The following RBFOX1 variants were observed in gnomAD, a reference collection of about 807,000 sequenced individuals.
The protein encoded by RBFOX1 is RNA binding protein fox-1 homolog 1.
A neutral mutation model predicts 57.7 loss-of-function variants in RBFOX1; 8 were observed. That is an observed-to-expected ratio of 0.14 (90% confidence interval 0.08 to 0.25). The LOEUF is 0.25. RBFOX1 is among the 10% of genes least tolerant of loss of function. RBFOX1 has a pLI of 1.00. For missense variants in RBFOX1, 611 were observed against 548.5 expected, an observed-to-expected ratio of 1.11 and a Z score of -1.14; for synonymous variants, 326 against 222.4, an observed-to-expected ratio of 1.47 and a Z score of -4.15.
chr16:7,485,298 C>T (rs1297307370), intron 4 of RBFOX1, among the ~76,000 whole-genome samples: 1 of 152,242 alleles, frequency 6.6e-6, no homozygotes, highest in Non-Finnish European at 1.5e-5. Flanking sequence ...AGGCAGACCA[C>T]GCAGTGACTA....
chr16:6,539,104 A>C (rs2096775446), intron 2 of RBFOX1, among the ~76,000 whole-genome samples: 1 of 150,234 alleles, frequency 6.7e-6, no homozygotes, highest in Admixed American at 6.8e-5. Context: ...TGGCAGAAAG[A>C]ACAGTTGATG....
intron 12 of RBFOX1, 102 bp downstream of exon 12, chr16:7,654,049 G>A (rs1053086068): frequency 3.9e-5 from 49 of 1,259,698 alleles, no homozygotes; most frequent in Non-Finnish European, 4.9e-5. Context: ...CTCCCCCTCC[G>A]CCACCCCCAG....
intron 3 of RBFOX1, among the ~76,000 whole-genome samples, chr16:5,834,645 G>T (rs1191695266): frequency 1.3e-5 from 2 of 151,614 alleles, no homozygotes; most frequent in Non-Finnish European, 2.9e-5. Flanking sequence ...TTTTCTGTTG[G>T]GTAGTTAACC....
chr16:5,904,965 A>C (rs1237136163), intron 4 of RBFOX1, among the ~76,000 whole-genome samples: 2 of 127,418 alleles, frequency 1.6e-5, no homozygotes, highest in Admixed American at 1.6e-4. Flanking sequence ...CGACAGAGCA[A>C]GACTCCGTCT....
At chr16:6,223,545 G>T (rs1202826428) in intron 1 of RBFOX1, among the ~76,000 whole-genome samples, 1 of 152,108 alleles carries the variant, frequency 6.6e-6, no homozygotes, top group East Asian at 1.9e-4. Flanking sequence ...TTTTGTTGGG[G>T]TTGTTTGTTT....
At chr16:7,672,429 T>C (rs1054129898) in intron 13 of RBFOX1, among the ~76,000 whole-genome samples, 1 of 152,162 alleles carries the variant, frequency 6.6e-6, no homozygotes, top group South Asian at 2.1e-4. Flanking sequence ...ACCATGAGAA[T>C]TGACTGAGTT....
intron 3 of RBFOX1, among the ~76,000 whole-genome samples, chr16:6,698,775 A>T (rs2061418732): frequency 6.6e-6 from 1 of 152,164 alleles, no homozygotes. Context: ...CCACGGTTTG[A>T]CTTTCTAAGC....
chr16:5,421,654 C>T (rs1052715052), intron 1 of RBFOX1, among the ~76,000 whole-genome samples: 1 of 152,204 alleles, frequency 6.6e-6, no homozygotes, highest in Non-Finnish European at 1.5e-5. Flanking sequence ...GCTCCAGAGC[C>T]AGGCTTATTT....
At chr16:7,430,731 A>G (rs2098671333) in intron 4 of RBFOX1, among the ~76,000 whole-genome samples, 1 of 151,980 alleles carries the variant, frequency 6.6e-6, no homozygotes, top group Non-Finnish European at 1.5e-5. Context: ...GGAATAGTAC[A>G]TTGGACTTCA....
Position 5,967,215 on chromosome 16 carries a change from A to G in RBFOX1, c.351+99880A>G, listed in dbSNP as rs190012855. Among the ~76,000 whole-genome samples the G allele has an allele frequency of 2.6e-5, 4 of 152,332 alleles. No homozygotes were observed. In the East Asian group the frequency reaches 7.7e-4, roughly 29 times the overall value. On this transcript the variant is annotated intron_variant, in intron 4 of 19. Coordinates refer to the RBFOX1 transcript ENST00000641259. ...AAAAACATTTGCCAGTCCCAGGACT[A>G]GACCAGAGGTCTGAAAGCTTTTTTG...
chr16:6,692,914 T>C (rs140058418), intron 3 of RBFOX1, among the ~76,000 whole-genome samples: 1 of 151,196 alleles, frequency 6.6e-6, no homozygotes, highest in African/African-American at 2.4e-5. Context: ...ATCATCTTCA[T>C]AGTACTACCA....
intron 2 of RBFOX1, among the ~76,000 whole-genome samples, chr16:6,582,476 A>C (rs1474840206): frequency 5.0e-5 from 4 of 79,748 alleles, no homozygotes; most frequent in Admixed American, 4.0e-4. Context: ...TTTTTTTTTC[A>C]ATTTTTAGAT....
intron 1 of RBFOX1, among the ~76,000 whole-genome samples, chr16:5,296,645 G>T (rs1391513925): frequency 6.7e-6 from 1 of 149,290 alleles, no homozygotes; most frequent in Non-Finnish European, 1.5e-5. Context: ...CCCTCCTGCT[G>T]CTCCTGCCAA....
intron 3 of RBFOX1, among the ~76,000 whole-genome samples, chr16:7,000,288 T>G (rs574924337): frequency 6.6e-6 from 1 of 152,182 alleles, no homozygotes; most frequent in Non-Finnish European, 1.5e-5. Context: ...TTTTTAAAGT[T>G]TTATTATCAG....
At chr16:7,341,720 C>CCT (rs2096895683) in intron 4 of RBFOX1, among the ~76,000 whole-genome samples, 3 of 130,746 alleles carry the variant, frequency 2.3e-5, no homozygotes, top group Non-Finnish European at 5.1e-5. Context: ...CCTTCCTTCC[C>CCT]TCCCTCCCTC....
intron 4 of RBFOX1, among the ~76,000 whole-genome samples, chr16:7,377,051 G>A (rs761517670): frequency 6.6e-6 from 1 of 152,084 alleles, no homozygotes; most frequent in Non-Finnish European, 1.5e-5. Flanking sequence ...ACTGATGGAA[G>A]GTATAAATGT....
At chr16:6,654,470 G>C (rs145382576) in intron 2 of RBFOX1, 133 bp from the exon 3 acceptor site, 8 of 681,542 alleles carry the variant, frequency 1.2e-5, no homozygotes, top group Non-Finnish European at 1.6e-5. Flanking sequence ...GCAATGACTC[G>C]AGAAAGAACT....
intron 3 of RBFOX1, among the ~76,000 whole-genome samples, chr16:5,773,186 G>A (rs1013757127): frequency 1.3e-5 from 2 of 152,166 alleles, no homozygotes; most frequent in African/African-American, 4.8e-5. Context: ...GACTTCAGGG[G>A]ATAAGTATAG....
intron 1 of RBFOX1, among the ~76,000 whole-genome samples, chr16:5,431,405 C>T (rs189513047): frequency 3.9e-4 from 59 of 152,188 alleles, no homozygotes; most frequent in East Asian, 7.7e-4. Context: ...GATGGAGTCT[C>T]GCTCTGTTAC....
Sources: gnomAD v4.1 joint callset for allele counts (sites outside exome capture counted in the v4.1 genomes callset) on GRCh38, gnomAD v4.1.1 for gene constraint, MANE v1.5 for transcripts, NCBI Gene and HGNC (gene_info 2026-07-23, HGNC 2026-07-21) for gene names.